The following PARD3B variants were observed in gnomAD, a reference collection of about 807,000 sequenced individuals.
PARD3B encodes the protein par-3 family cell polarity regulator beta, also known as partitioning defective 3 homolog B.
A neutral mutation model predicts 130.2 loss-of-function variants in PARD3B; 103 were observed. The ratio of observed to expected loss-of-function variants is 0.79; its 90% CI spans 0.67 to 0.93. The LOEUF (loss-of-function observed/expected upper bound fraction) is 0.93, where lower values mean the gene tolerates loss of function less well. PARD3B is among the 40% of genes least tolerant of loss of function. The probability of loss-of-function intolerance (pLI) is 0.00; values close to 1 mark genes in which losing one functional copy is unlikely to be tolerated. For missense variants in PARD3B, 1,609 were observed against 1,499.2 expected, an observed-to-expected ratio of 1.07 and a Z score of -1.21; for synonymous variants, 583 against 553.2, an observed-to-expected ratio of 1.05 and a Z score of -0.76.
At chr2:204,574,669 G>A (rs148549117) in intron 1 of PARD3B, among the ~76,000 whole-genome samples, 21 of 152,312 alleles carry the variant, frequency 1.4e-4, no homozygotes, top group Non-Finnish European at 2.9e-4. Flanking sequence ...GTAAGATGGC[G>A]TTGCAGGGTT....
rs545105950 is a variant in PARD3B at position 205,490,295 on chromosome 2, G to C, written c.3045-9601G>C. ...CACCCCACAACAGGCCCCAGTGTGT[G>C]ATGTTCCCCTTCCTGTGTCCATGTG... On this transcript the variant is annotated intron_variant, in intron 20 of 22. Transcript: ENST00000406610. 1.4e-3 allele frequency among the ~76,000 whole-genome samples: 205 copies of C among 151,460 alleles called. 2 individuals carry two copies. Among genetic ancestry groups the C allele is most frequent in the African/African-American group, 3.6e-3 (150 of 41,198 alleles).
intron 3 of PARD3B, among the ~76,000 whole-genome samples, chr2:204,977,861 C>T (rs989604394): frequency 9.3e-5 from 14 of 150,026 alleles, no homozygotes; most frequent in African/African-American, 3.4e-4. Context: ...CCAGCTAAGG[C>T]CTGAAAGGGG....
At position 205,588,196 on chromosome 2, in the gene PARD3B, T is replaced by C. The variant is rs560048514; in HGVS notation, c.3261-27260T>C. Among the ~76,000 whole-genome samples, 7 of 152,358 alleles carry C rather than the reference T, an allele frequency of 4.6e-5. No individual in the cohort carries two copies. In the South Asian group the frequency reaches 1.2e-3, roughly 27 times the overall value. On this transcript the variant is annotated intron_variant, in intron 22 of 22. Coordinates refer to ENST00000406610, the MANE Select transcript of PARD3B (RefSeq NM_001302769.2). ...TTGTATTATTCTGTGAATTTTCTAA[T>C]TGAGTCATGAAAATTCTTTCATTGA...
chr2:205,377,242 A>T (rs939539253), intron 18 of PARD3B, among the ~76,000 whole-genome samples: 2 of 152,162 alleles, frequency 1.3e-5, no homozygotes, highest in African/African-American at 4.8e-5. Flanking sequence ...TTTTCCCTCT[A>T]ACAGGAAAAC....
At chr2:205,549,840 G>A (rs1182173782) in intron 21 of PARD3B, among the ~76,000 whole-genome samples, 1 of 152,196 alleles carries the variant, frequency 6.6e-6, no homozygotes, top group Non-Finnish European at 1.5e-5. Context: ...TAGCACACTG[G>A]TGGGCATGCG....
At chr2:204,561,757 G>A (rs1217813091) in intron 1 of PARD3B, among the ~76,000 whole-genome samples, 2 of 151,898 alleles carry the variant, frequency 1.3e-5, no homozygotes, top group African/African-American at 4.8e-5. Flanking sequence ...TACCACGCCC[G>A]GCTAACTTTT....
In PARD3B at chr2:205,287,211, T is replaced by G. The variant is rs1467741157; in HGVS notation, c.2186-13319T>G. Among the ~76,000 whole-genome samples, 1 of 152,166 alleles carries G rather than the reference T, an allele frequency of 6.6e-6. No individual in the cohort carries two copies. Among genetic ancestry groups the G allele is most frequent in the African/African-American group, 2.4e-5 (1 of 41,438 alleles). On this transcript the variant is annotated intron_variant, in intron 16 of 22. Coordinates refer to ENST00000406610, the MANE Select transcript of PARD3B (RefSeq NM_001302769.2). This position sits in a 1 kb window ranked among gnomAD's most constrained non-coding sequence, Gnocchi z 4.8. ...ACTGGTGGTAACATGGATTGTTATGTGGATGAGAGATTGGAGAATAGAATA... is the reference window on the plus strand; with the variant it reads ...ACTGGTGGTAACATGGATTGTTATGGGGATGAGAGATTGGAGAATAGAATA...
chr2:205,261,437 A>G (rs755802395), intron 16 of PARD3B, among the ~76,000 whole-genome samples: 2 of 152,212 alleles, frequency 1.3e-5, no homozygotes, highest in Non-Finnish European at 2.9e-5. Flanking sequence ...ACTGAAGTCA[A>G]ATAAACCATT....
chr2:205,602,962 A>G (rs2054849324), intron 22 of PARD3B, among the ~76,000 whole-genome samples: 3 of 152,034 alleles, frequency 2.0e-5, no homozygotes, highest in African/African-American at 7.2e-5. Context: ...TAGGGTGTCA[A>G]TTTGAGATCT....
intron 18 of PARD3B, among the ~76,000 whole-genome samples, chr2:205,311,241 G>A (rs186592713): frequency 7.9e-5 from 12 of 152,158 alleles, no homozygotes; most frequent in Non-Finnish European, 1.2e-4. Flanking sequence ...TTTGAGTAAC[G>A]GCCACACTGT....
At chr2:204,698,849 C>T (rs755630420) in intron 2 of PARD3B, among the ~76,000 whole-genome samples, 1 of 151,988 alleles carries the variant, frequency 6.6e-6, no homozygotes, top group Non-Finnish European at 1.5e-5. Flanking sequence ...AAACATTTGA[C>T]ACTAACCTCA....
intron 2 of PARD3B, among the ~76,000 whole-genome samples, chr2:204,833,270 C>T (rs575862663): frequency 3.9e-5 from 6 of 152,142 alleles, no homozygotes; most frequent in Admixed American, 2.6e-4. Flanking sequence ...GCTGGGGAAA[C>T]GTTTAGATAA....
chr2:205,303,929 A>C (rs191199024), intron 18 of PARD3B, among the ~76,000 whole-genome samples: 2 of 152,264 alleles, frequency 1.3e-5, no homozygotes, highest in Admixed American at 1.3e-4. Context: ...AAATCAATTG[A>C]TCACTATACT....
intron 3 of PARD3B, among the ~76,000 whole-genome samples, chr2:204,979,138 G>A (rs371469217): frequency 4.0e-5 from 6 of 151,650 alleles, no homozygotes; most frequent in East Asian, 1.9e-4. Flanking sequence ...CCTGGGAGGC[G>A]GAGCTTGCAG....
At chr2:204,695,511 G>A (rs1026929290) in intron 2 of PARD3B, among the ~76,000 whole-genome samples, 2 of 151,948 alleles carry the variant, frequency 1.3e-5, no homozygotes, top group African/African-American at 4.8e-5. Flanking sequence ...CAGAGCACAG[G>A]GCATTGACAG....
intron 2 of PARD3B, among the ~76,000 whole-genome samples, chr2:204,863,040 C>A (rs189706970): frequency 1.3e-5 from 2 of 152,072 alleles, no homozygotes; most frequent in East Asian, 3.9e-4. Flanking sequence ...GAGAACCAGT[C>A]GGGAAAGGGC....
chr2:205,363,597 C>T (rs937670765), intron 18 of PARD3B, among the ~76,000 whole-genome samples: 3 of 152,122 alleles, frequency 2.0e-5, no homozygotes, highest in Non-Finnish European at 2.9e-5. Context: ...CTTGGGAAAA[C>T]ACACAGAGAA....
rs1044242398 is a variant in PARD3B, at chr2:204,677,165, G to A, written c.121-9016G>A. Among the ~76,000 whole-genome samples, 1 of 152,020 alleles carries A rather than the reference G, an allele frequency of 6.6e-6. No homozygotes were observed. Among genetic ancestry groups the A allele is most frequent in the African/African-American group, 2.4e-5 (1 of 41,380 alleles). The stretch of plus-strand genomic sequence containing the variant: ...TCTCAGTTCTCATGTACTTATTTAC[G>A]GAGGTCTAAGTGTTTAAGGTAAAAC... On this transcript the variant is annotated intron_variant, in intron 1 of 22. Transcript: ENST00000406610. This position sits in a 1 kb window ranked among gnomAD's most constrained non-coding sequence, Gnocchi z 4.1.
intron 2 of PARD3B, among the ~76,000 whole-genome samples, chr2:204,784,348 T>C (rs184372712): frequency 2.0e-5 from 3 of 152,284 alleles, no homozygotes; most frequent in Admixed American, 1.3e-4. Context: ...TAAATGACTT[T>C]GAAGATGCGA....
Sources: allele counts gnomAD v4.1 joint callset (sites outside exome capture counted in the v4.1 genomes callset), GRCh38; gene constraint gnomAD v4.1.1; non-coding constraint Gnocchi (gnomAD v3.1); transcripts MANE v1.5; gene names NCBI Gene and HGNC (gene_info 2026-07-23, HGNC 2026-07-21).